PPP1R12A: variants seen among roughly 807,000 people sequenced by gnomAD.
PPP1R12A encodes myosin binding subunit.
A neutral mutation model predicts 139.6 loss-of-function variants in PPP1R12A; 19 were observed. The ratio of observed to expected loss-of-function variants is 0.14; its 90% CI spans 0.09 to 0.20. The LOEUF (loss-of-function observed/expected upper bound fraction) is 0.20. Ranked by LOEUF, PPP1R12A falls within the 10% of genes least tolerant of loss-of-function variation. PPP1R12A has a pLI of 1.00. For missense variants in PPP1R12A, 925 were observed against 1,211.5 expected (o/e 0.76, Z 3.51); for synonymous variants, 427 against 420.6 (o/e 1.02, Z -0.19).
upstream of PPP1R12A, chr12:79,935,218 G>T (rs972751858): frequency 1.2e-5 from 16 of 1,282,878 alleles, no homozygotes; most frequent in East Asian, 4.6e-4. Context: ...GGACTGGGAG[G>T]CGCCCTTCGA....
chr12:79,804,543 T>C (rs1435054540), intron 14 of PPP1R12A, among the ~76,000 whole-genome samples: 1 of 152,130 alleles, frequency 6.6e-6, no homozygotes, highest in Non-Finnish European at 1.5e-5. Flanking sequence ...AGGCCATTAC[T>C]ACTACAGGCC....
intron 1 of PPP1R12A, among the ~76,000 whole-genome samples, chr12:79,883,267 A>G (rs1364725783): frequency 1.4e-5 from 2 of 147,378 alleles, no homozygotes; most frequent in Non-Finnish European, 2.9e-5. Context: ...TATGTACTAC[A>G]GCATTATGAT....
intron 1 of PPP1R12A, among the ~76,000 whole-genome samples, chr12:79,901,784 G>A (rs1391037417): frequency 4.6e-5 from 7 of 152,188 alleles, no homozygotes; most frequent in East Asian, 1.9e-4. Context: ...AAATAAATAC[G>A]TAATTACACC....
Position 79,790,402 on chromosome 12 carries a change from C to G in PPP1R12A, c.2666+65G>C, listed in dbSNP as rs571408450. The G allele has an allele frequency of 5.5e-6, 6 of 1,093,498 alleles. No homozygotes were observed. In the African/African-American group the frequency reaches 9.6e-5, roughly 18 times the overall value. The allele number at this position is 1,093,498 out of a possible 1,614,324, so 67.7% of individuals were successfully genotyped here. The stretch of plus-strand genomic sequence containing the variant: ...ACTTACAAAATCCATAAATTCCTAG[C>G]AACACATTTTTAACAAAGATAAAAA... On this transcript the variant is annotated intron_variant, in intron 20 of 24. Transcript: ENST00000450142.
intron 2 of PPP1R12A, among the ~76,000 whole-genome samples, chr12:79,849,342 G>A (rs922460204): frequency 7.2e-5 from 11 of 152,002 alleles, no homozygotes; most frequent in African/African-American, 2.7e-4. Context: ...AGCCGAGATT[G>A]TGCCACTGCA....
At chr12:79,897,747 T>G (rs1284384328) in intron 1 of PPP1R12A, among the ~76,000 whole-genome samples, 1 of 152,188 alleles carries the variant, frequency 6.6e-6, no homozygotes, top group Non-Finnish European at 1.5e-5. Context: ...AAACTGAATC[T>G]TCTTTTGTCC....
At chr12:79,917,808 G>C (rs1438552135) in intron 1 of PPP1R12A, among the ~76,000 whole-genome samples, 1 of 152,122 alleles carries the variant, frequency 6.6e-6, no homozygotes, top group Non-Finnish European at 1.5e-5. Flanking sequence ...ATACCATTTA[G>C]TAAATTTAGA....
chr12:79,930,005 T>C (rs1350393335), intron 1 of PPP1R12A, among the ~76,000 whole-genome samples: 2 of 152,172 alleles, frequency 1.3e-5, no homozygotes, highest in African/African-American at 2.4e-5. Flanking sequence ...GCATCTACTA[T>C]GTGCTAGGCT....
At chr12:79,862,075 C>A (rs1881397882) in intron 2 of PPP1R12A, among the ~76,000 whole-genome samples, 1 of 152,110 alleles carries the variant, frequency 6.6e-6, no homozygotes, top group Non-Finnish European at 1.5e-5. Flanking sequence ...AAAACAGACA[C>A]CTCATACAGG....
At chr12:79,861,662 C>T (rs2137283669) in intron 2 of PPP1R12A, among the ~76,000 whole-genome samples, 1 of 152,288 alleles carries the variant, frequency 6.6e-6, no homozygotes, top group East Asian at 1.9e-4. Flanking sequence ...AGATCCCCTC[C>T]CGTGCTTGGC....
chr12:79,928,560 A>G (rs1888019818), intron 1 of PPP1R12A, among the ~76,000 whole-genome samples: 1 of 152,242 alleles, frequency 6.6e-6, no homozygotes, highest in Non-Finnish European at 1.5e-5. Context: ...CTATGCAGAG[A>G]AATATTTTAC....
chr12:79,871,468 T>C (rs1214636113), intron 2 of PPP1R12A, among the ~76,000 whole-genome samples: 1 of 152,230 alleles, frequency 6.6e-6, no homozygotes, highest in African/African-American at 2.4e-5. Flanking sequence ...TAATATGTAC[T>C]ATTTCCTATG....
chr12:79,789,332 A>AATTT (rs1265997104), intron 20 of PPP1R12A, among the ~76,000 whole-genome samples: 3 of 152,232 alleles, frequency 2.0e-5, no homozygotes, highest in African/African-American at 7.2e-5. Context: ...TTAATATTTT[A>AATTT]AATTGTACAC....
At chr12:79,899,933 T>C (rs1885481118) in intron 1 of PPP1R12A, among the ~76,000 whole-genome samples, 1 of 152,198 alleles carries the variant, frequency 6.6e-6, no homozygotes. Context: ...CTCCCCTTTT[T>C]TGAATACAAT....
chr12:79,907,410 T>C (rs1296085901), intron 1 of PPP1R12A, among the ~76,000 whole-genome samples: 2 of 152,134 alleles, frequency 1.3e-5, no homozygotes, highest in Non-Finnish European at 2.9e-5. Context: ...ATTTAGCCTA[T>C]ACTAAAATAT....
intron 2 of PPP1R12A, among the ~76,000 whole-genome samples, chr12:79,851,417 G>T (rs1354959078): frequency 6.6e-6 from 1 of 152,122 alleles, no homozygotes; most frequent in Non-Finnish European, 1.5e-5. Context: ...TCAGACCTTT[G>T]AAAGTTTTCT....
rs1873936239 is a variant in PPP1R12A at position 79,807,150 on chromosome 12, A to G, written c.1655+76T>C. The G allele has an allele frequency of 8.8e-6, 7 of 795,474 alleles. No homozygotes were observed. In the South Asian group the frequency reaches 1.3e-4, roughly 14 times the overall value. 49.3% of individuals were successfully genotyped at this position (795,474 alleles called of 1,614,324 possible). On this transcript the variant is annotated intron_variant, in intron 12 of 24. Transcript: ENST00000450142. Reference sequence around the variant, plus strand: ...ACATATTTGTTTAAAATGATGTTAAACTGAGGGCTCCAAACAAATTGCCTC... The same window carrying G: ...ACATATTTGTTTAAAATGATGTTAAGCTGAGGGCTCCAAACAAATTGCCTC...
Position 79,913,018 on chromosome 12 carries a change from T to C in PPP1R12A, c.237+21677A>G, listed in dbSNP as rs376360380. Among the ~76,000 whole-genome samples the C allele has an allele frequency of 5.9e-5, 9 of 152,376 alleles. No individual in the cohort carries two copies. In the East Asian group the frequency reaches 9.6e-4, roughly 16 times the overall value. On this transcript the variant is annotated intron_variant, in intron 1 of 24. Coordinates refer to ENST00000450142, the MANE Select transcript of PPP1R12A (RefSeq NM_002480.3). ...CTCCACATCCCTTCTCAGCATTTGATATCATCAGTCTTTTGTAATTTTAGC... is the reference window on the plus strand; with the variant it reads ...CTCCACATCCCTTCTCAGCATTTGACATCATCAGTCTTTTGTAATTTTAGC...
intron 19 of PPP1R12A, among the ~76,000 whole-genome samples, chr12:79,791,404 T>C (rs945122583): frequency 3.3e-5 from 5 of 152,174 alleles, no homozygotes; most frequent in East Asian, 1.9e-4. Flanking sequence ...CACAGCTCAC[T>C]ACAGCCTCGA....
Sources: allele counts gnomAD v4.1 joint callset (sites outside exome capture counted in the v4.1 genomes callset), GRCh38; gene constraint gnomAD v4.1.1; transcripts MANE v1.5; gene names NCBI Gene and HGNC (gene_info 2026-07-23, HGNC 2026-07-21).